The following ARHGEF10L variants were observed in gnomAD, a reference collection of about 807,000 sequenced individuals.
ARHGEF10L encodes the protein Rho guanine nucleotide exchange factor 10 like.
A neutral mutation model predicts 141.2 loss-of-function variants in ARHGEF10L; 69 were observed. The observed-to-expected ratio is 0.49, with a 90% CI of 0.40 to 0.60. ARHGEF10L has a LOEUF of 0.60. ARHGEF10L is among the 20% of genes least tolerant of loss of function. The pLI, the probability that ARHGEF10L is intolerant of heterozygous loss-of-function variation, is 0.00. For missense variants in ARHGEF10L, 1,482 were observed against 1,734.3 expected, an observed-to-expected ratio of 0.85 and a Z score of 2.58; for synonymous variants, 711 against 718.5, an observed-to-expected ratio of 0.99 and a Z score of 0.17.
At position 17,697,795 on chromosome 1, in the gene ARHGEF10L, T is replaced by C. The variant is rs373668205; in HGVS notation, c.*415T>C. 84 of 361,474 alleles carry C rather than the reference T, an allele frequency of 2.3e-4. No homozygotes were observed. The highest frequency in any genetic ancestry group is 1.7e-3 in the East Asian group (23 of 13,276). 22.4% of individuals were successfully genotyped at this position (361,474 alleles called of 1,614,324 possible). On this transcript the variant is annotated 3_prime_UTR_variant, in exon 29 of 29. Transcript: ENST00000361221. This position sits in a 1 kb window ranked among gnomAD's most constrained non-coding sequence, Gnocchi z 4.8. Reference sequence around the variant, plus strand: ...AAATAAGTATATATGGTGTATATTATATGTGTATAAATAAAGTCTGTACAT... The same window carrying C: ...AAATAAGTATATATGGTGTATATTACATGTGTATAAATAAAGTCTGTACAT...
chr1:17,645,942 G>A (rs1373426838), intron 21 of ARHGEF10L, among the ~76,000 whole-genome samples: 6 of 152,192 alleles, frequency 3.9e-5, no homozygotes, highest in Admixed American at 2.6e-4. Flanking sequence ...CTGTGTGGTC[G>A]TGCCCTTTCC....
At chr1:17,592,733 T>C (rs568493299) in intron 4 of ARHGEF10L, among the ~76,000 whole-genome samples, 1 of 152,230 alleles carries the variant, frequency 6.6e-6, no homozygotes, top group African/African-American at 2.4e-5. Context: ...GCAGACCTAG[T>C]CTGGAGTTGT....
intron 4 of ARHGEF10L, among the ~76,000 whole-genome samples, chr1:17,591,419 T>G (rs1570691617): frequency 6.6e-6 from 1 of 151,408 alleles, no homozygotes; most frequent in South Asian, 2.1e-4. Flanking sequence ...TTTTTTTTTT[T>G]TTTTTTTTTC....
chr1:17,683,657 G>A lies in ARHGEF10L; in HGVS notation c.3010-3916G>A, dbSNP rs796359490. 1.7e-4 allele frequency among the ~76,000 whole-genome samples: 26 copies of A among 152,288 alleles called. 1 individual carries two copies. The highest frequency in any genetic ancestry group is 6.0e-4 in the African/African-American group (25 of 41,564). On this transcript the variant is annotated intron_variant, in intron 26 of 28. Coordinates refer to ENST00000361221, the MANE Select transcript of ARHGEF10L (RefSeq NM_018125.4). ...CTAGGGCTGGGGCTGGAGGTGCTGT[G>A]CTGTTCTCCCTATTCATTCCTGCCC...
chr1:17,584,876 CA>C (rs57104526), intron 2 of ARHGEF10L, among the ~76,000 whole-genome samples: 5,149 of 152,262 alleles, frequency 0.034, 299 homozygotes, highest in African/African-American at 0.12. Flanking sequence ...CACACACACA[CA>C]CACCCCTACC....
At chr1:17,651,781 ACTCT>A (rs1239058392) in intron 22 of ARHGEF10L, among the ~76,000 whole-genome samples, 1 of 151,698 alleles carries the variant, frequency 6.6e-6, no homozygotes, top group African/African-American at 2.4e-5. Context: ...GAGGCGAGTG[ACTCT>A]CTGTGGTAAG....
At chr1:17,692,432 G>T (rs12137775) in intron 27 of ARHGEF10L, among the ~76,000 whole-genome samples, 123,763 of 152,038 alleles carry the variant, frequency 0.81, 50,640 homozygotes, top group East Asian at 0.91. Context: ...CCCCCAAACC[G>T]GCTCCTTTGC....
At chr1:17,636,496 A>G (rs534685851) in intron 18 of ARHGEF10L, among the ~76,000 whole-genome samples, 2 of 152,292 alleles carry the variant, frequency 1.3e-5, no homozygotes, top group East Asian at 1.9e-4. Context: ...GCTGAAACCA[A>G]TTTGTTCACA....
Position 17,687,559 on chromosome 1 carries a change from C to G in ARHGEF10L, c.3010-14C>G. 2.5e-6 allele frequency: 4 copies of G among 1,612,474 alleles called. No individual in the cohort carries two copies. Among genetic ancestry groups the G allele is most frequent in the Non-Finnish European group, 3.4e-6 (4 of 1,179,820 alleles). On this transcript the variant is annotated splice_polypyrimidine_tract_variant and intron_variant, in intron 26 of 28. Coordinates refer to ENST00000361221, the MANE Select transcript of ARHGEF10L (RefSeq NM_018125.4). ...GGCCCAGCCAGTATCGACACTCCTC[C>G]CTTTGTGCCACAGCAAAGCTTCGAG...
In ARHGEF10L at chr1:17,615,877, G is replaced by A. The variant is rs78931515; in HGVS notation, c.727-217G>A. ...AGTCTGTCCTGAAAGGAAAAAAATC[G>A]GTTACAGCCTCCTGTTGCCCCTAAA... On this transcript the variant is annotated intron_variant, in intron 8 of 28. Coordinates refer to ENST00000361221, the MANE Select transcript of ARHGEF10L (RefSeq NM_018125.4). The surrounding 1 kb of genome is among the most constrained non-coding windows in gnomAD (Gnocchi z 4.7). 730 of 533,790 alleles carry A rather than the reference G, an allele frequency of 1.4e-3. 16 individuals carry two copies. In the East Asian group the frequency reaches 0.019, roughly 14 times the overall value. The allele number at this position is 533,790 out of a possible 1,614,324, so 33.1% of individuals were successfully genotyped here. A position where few individuals can be genotyped will look rare whatever the true frequency, so the allele number is the denominator to read the frequency against.
Position 17,654,712 on chromosome 1 carries a change from G to A in ARHGEF10L, c.2471G>A (p.Gly824Asp). ...FSAVSTSLPQ[G>D]YLWVGGGQEG... ...GCAGTCAGCACCTCCCTTCCACAGG[G>A]CTACCTCTGGGTGAGTCACCCCCCT... is the stretch of plus-strand genomic sequence containing the variant. Residue 824 changes from glycine to aspartate, a missense_variant, in exon 23 of 29, where the codon GGC becomes GAC. Coordinates refer to ENST00000361221, the MANE Select transcript of ARHGEF10L (RefSeq NM_018125.4). This position sits in a 1 kb window ranked among gnomAD's most constrained non-coding sequence, Gnocchi z 4.3. 1 of 1,614,024 alleles carries A rather than the reference G, an allele frequency of 6.2e-7. No individual in the cohort carries two copies. The highest frequency in any genetic ancestry group is 8.5e-7 in the Non-Finnish European group (1 of 1,179,990).
At chr1:17,545,533 G>A (rs4920374) in intron 1 of ARHGEF10L, among the ~76,000 whole-genome samples, 74,395 of 152,054 alleles carry the variant, frequency 0.49, 18,534 homozygotes, top group East Asian at 0.75. Flanking sequence ...AGCTGACTTT[G>A]CCATTGAGTA....
At position 17,608,183 on chromosome 1, in the gene ARHGEF10L, G is replaced by A. The variant is rs16829356; in HGVS notation, c.609+206G>A. On this transcript the variant is annotated intron_variant, in intron 7 of 28. Coordinates refer to ENST00000361221, the MANE Select transcript of ARHGEF10L (RefSeq NM_018125.4). Reference sequence around the variant, plus strand: ...TGACTCGTAGACATTGCTGTTGGCAGCCCTAAGCCCGGGATGGGCATGGCT... The same window carrying A: ...TGACTCGTAGACATTGCTGTTGGCAACCCTAAGCCCGGGATGGGCATGGCT... Among the ~76,000 whole-genome samples, 734 of 152,334 alleles carry A rather than the reference G, an allele frequency of 4.8e-3. 5 individuals carry two copies. Among genetic ancestry groups the A allele is most frequent in the African/African-American group, 0.016 (680 of 41,590 alleles).
chr1:17,578,851 G>C (rs1257949709), intron 1 of ARHGEF10L, among the ~76,000 whole-genome samples: 1 of 152,184 alleles, frequency 6.6e-6, no homozygotes, highest in Non-Finnish European at 1.5e-5. Context: ...GGCAGTTGCA[G>C]CACTGTGAGT....
rs2061744566 is a variant in ARHGEF10L at position 17,648,827 on chromosome 1, C to T, written c.2394+152C>T. ...ATTCTTACTGACAGATTTGGTCAAGCCTTTTTGTTGCTTCGGGAATCAGCT... is the reference window on the plus strand; with the variant it reads ...ATTCTTACTGACAGATTTGGTCAAGTCTTTTTGTTGCTTCGGGAATCAGCT... On this transcript the variant is annotated intron_variant, in intron 22 of 28. Coordinates refer to ENST00000361221, the MANE Select transcript of ARHGEF10L (RefSeq NM_018125.4). The T allele has an allele frequency of 4.0e-6, 5 of 1,242,506 alleles. No homozygotes were observed. The South Asian group carries it at 5.0e-5, about 13-fold the overall frequency. The allele number at this position is 1,242,506 out of a possible 1,614,324, so 77.0% of individuals were successfully genotyped here. A position where few individuals can be genotyped will look rare whatever the true frequency, so the allele number is the denominator to read the frequency against.
chr1:17,689,570 C>G (rs148452865), intron 27 of ARHGEF10L, among the ~76,000 whole-genome samples: 2 of 7,258 alleles, frequency 2.8e-4, no homozygotes, highest in African/African-American at 7.3e-4. Context: ...TTCCCTCCCT[C>G]CCTCCTTCCC....
the ARHGEF10L span, among the ~76,000 whole-genome samples, chr1:17,521,465 G>A: frequency 6.6e-6 from 1 of 152,228 alleles, no homozygotes; most frequent in African/African-American, 2.4e-5. Context: ...CAAAGTGCTG[G>A]GATTGCAGGC....
chr1:17,672,929 C>T (rs1028650767), intron 26 of ARHGEF10L, among the ~76,000 whole-genome samples: 5 of 152,072 alleles, frequency 3.3e-5, no homozygotes, highest in African/African-American at 9.7e-5. Context: ...CAGTAGATGG[C>T]TGAGGGTCAG....
intron 25 of ARHGEF10L, among the ~76,000 whole-genome samples, chr1:17,659,195 G>T (rs941595249): frequency 6.6e-6 from 1 of 152,172 alleles, no homozygotes; most frequent in African/African-American, 2.4e-5. Context: ...CACCACCTGG[G>T]CAGGTGAATT....
Sources: gnomAD v4.1 joint callset for allele counts (sites outside exome capture counted in the v4.1 genomes callset) on GRCh38, gnomAD v4.1.1 for gene constraint, Gnocchi (gnomAD v3.1) non-coding constraint, MANE v1.5 for transcripts, NCBI Gene and HGNC (gene_info 2026-07-23, HGNC 2026-07-21) for gene names.